BBX: variants seen among roughly 807,000 people sequenced by gnomAD.
BBX encodes the protein HMG box transcription factor BBX.
BBX carries 30 observed loss-of-function variants against 100.2 expected under a neutral mutation model. That is an observed-to-expected ratio of 0.30 (90% confidence interval 0.22 to 0.41). The LOEUF is 0.41. Ranked by LOEUF, BBX falls within the 10% of genes least tolerant of loss-of-function variation. The pLI is 1.00. For missense variants in BBX, 1,023 were observed against 1,129.8 expected (o/e 0.91, Z 1.35); for synonymous variants, 376 against 388.1 (o/e 0.97, Z 0.37).
At chr3:107,588,839 T>C (rs187072858) in intron 2 of BBX, among the ~76,000 whole-genome samples, 1 of 152,186 alleles carries the variant, frequency 6.6e-6, no homozygotes, top group African/African-American at 2.4e-5. Context: ...AGACTGGGAA[T>C]AAAAAATATC....
At chr3:107,666,466 G>T (rs1031966389) in intron 3 of BBX, among the ~76,000 whole-genome samples, 1 of 152,162 alleles carries the variant, frequency 6.6e-6, no homozygotes, top group Non-Finnish European at 1.5e-5. Flanking sequence ...ACAAGGAAAA[G>T]GGGGGAAACT....
At chr3:107,730,942 G>A (rs2063278799) in intron 6 of BBX, among the ~76,000 whole-genome samples, 1 of 152,126 alleles carries the variant, frequency 6.6e-6, no homozygotes, top group Non-Finnish European at 1.5e-5. Context: ...ATGCCAGATT[G>A]TTTACCTCAA....
At position 107,656,191 on chromosome 3, in the gene BBX, T is replaced by C. The variant is rs141657520; in HGVS notation, c.-10+10282T>C. Among the ~76,000 whole-genome samples the C allele has an allele frequency of 2.4e-3, 371 of 152,316 alleles. 2 individuals carry two copies. The highest frequency in any genetic ancestry group is 8.1e-3 in the African/African-American group (337 of 41,576). ...GTCCAAGAGAAAAAAATATTTTTTC[T>C]CTATCTTCAGAAATGTTCTGTGAAA... is the stretch of plus-strand genomic sequence containing the variant. On this transcript the variant is annotated intron_variant, in intron 3 of 17. Transcript: ENST00000325805.
chr3:107,525,395 C>G (rs999764008), intron 1 of BBX: 1 of 152,458 alleles, frequency 6.6e-6, no homozygotes, highest in Admixed American at 6.5e-5. Flanking sequence ...CTGCCCAGAC[C>G]GCCGCCAGTT....
chr3:107,801,978 A>G (rs534820862), intron 17 of BBX, among the ~76,000 whole-genome samples: 1 of 152,384 alleles, frequency 6.6e-6, no homozygotes, highest in African/African-American at 2.4e-5. Context: ...TGTAAGCATC[A>G]GACGAGATCA....
At chr3:107,596,982 T>A (rs183098011) in intron 2 of BBX, among the ~76,000 whole-genome samples, 1 of 152,332 alleles carries the variant, frequency 6.6e-6, no homozygotes, top group East Asian at 1.9e-4. Context: ...GCCTTTAAAC[T>A]TTTTTACTCC....
At chr3:107,629,635 A>G (rs1166233905) in intron 2 of BBX, among the ~76,000 whole-genome samples, 1 of 151,916 alleles carries the variant, frequency 6.6e-6, no homozygotes, top group African/African-American at 2.4e-5. Flanking sequence ...TGTTCCATCT[A>G]TTTAATAGTA....
intron 2 of BBX, among the ~76,000 whole-genome samples, chr3:107,530,103 A>G (rs992837913): frequency 6.6e-6 from 1 of 152,232 alleles, no homozygotes; most frequent in East Asian, 1.9e-4. Context: ...TAAAATGCAA[A>G]GTGACAGGCT....
chr3:107,612,226 T>G (rs1336684650), intron 2 of BBX, among the ~76,000 whole-genome samples: 1 of 152,204 alleles, frequency 6.6e-6, no homozygotes. Context: ...CTCTCCGTGC[T>G]TGGCCCCTGG....
intron 2 of BBX, among the ~76,000 whole-genome samples, chr3:107,638,778 T>TACAC (rs2057008063): frequency 9.2e-5 from 2 of 21,628 alleles, no homozygotes; most frequent in Non-Finnish European, 1.8e-4. Context: ...AAAAAAAAAG[T>TACAC]ATACACACAC....
At chr3:107,606,258 G>T (rs1184929445) in intron 2 of BBX, among the ~76,000 whole-genome samples, 1 of 152,224 alleles carries the variant, frequency 6.6e-6, no homozygotes, top group Non-Finnish European at 1.5e-5. Context: ...CCCACGGTCA[G>T]CAGTGGGAGA....
intron 2 of BBX, among the ~76,000 whole-genome samples, chr3:107,641,083 CTTTCTTTTT>C (rs968519544): frequency 9.0e-6 from 1 of 111,222 alleles, no homozygotes; most frequent in Admixed American, 1.0e-4. Context: ...AATTTCTTTT[CTTTCTTTTT>C]TTTTTTTTTT....
intron 2 of BBX, among the ~76,000 whole-genome samples, chr3:107,616,113 G>A: frequency 7.2e-6 from 1 of 138,924 alleles, no homozygotes; most frequent in East Asian, 2.3e-4. Context: ...GGATTCACAT[G>A]TCGTTATCAG....
Position 107,536,514 on chromosome 3 carries a change from C to T in BBX, c.-84+10116C>T, listed in dbSNP as rs191196372. Among the ~76,000 whole-genome samples the T allele has an allele frequency of 2.6e-5, 4 of 152,198 alleles. No homozygotes were observed. In the East Asian group the frequency reaches 5.8e-4, roughly 22 times the overall value. On this transcript the variant is annotated intron_variant, in intron 2 of 17. Coordinates refer to ENST00000325805, the MANE Select transcript of BBX (RefSeq NM_001142568.3). The stretch of plus-strand genomic sequence containing the variant: ...TAGCCGAACAATGGTTTTCCGAAGG[C>T]GCTCGTCTTTTGTTTGTTGTGTTTC...
chr3:107,709,844 G>A (rs1452637570), intron 3 of BBX, among the ~76,000 whole-genome samples: 3 of 152,162 alleles, frequency 2.0e-5, no homozygotes, highest in Non-Finnish European at 4.4e-5. Context: ...TTTTTGTCAC[G>A]TTTATAGCTT....
intron 2 of BBX, among the ~76,000 whole-genome samples, chr3:107,619,536 A>ATT (rs57205369): frequency 6.8e-6 from 1 of 147,854 alleles, no homozygotes; most frequent in African/African-American, 2.5e-5. Flanking sequence ...TTTGTTTACC[A>ATT]TTTTTTTTTT....
rs1227650692 is a variant in BBX, at chr3:107,807,349, G to A, written c.*1892G>A. On this transcript the variant is annotated 3_prime_UTR_variant, in exon 18 of 18. Coordinates refer to ENST00000325805, the MANE Select transcript of BBX (RefSeq NM_001142568.3). Reference sequence around the variant, plus strand: ...CCCCATTCATGTAGGAATAAATCAAGTGAGCAGTTCCAGACTTTTGCATAA... The same window carrying A: ...CCCCATTCATGTAGGAATAAATCAAATGAGCAGTTCCAGACTTTTGCATAA... 6.6e-6 allele frequency: 1 copy of A among 152,134 alleles called. No individual in the cohort carries two copies. The highest frequency in any genetic ancestry group is 2.4e-5 in the African/African-American group (1 of 41,432). 9.4% of individuals were successfully genotyped at this position (152,134 alleles called of 1,614,324 possible).
chr3:107,725,099 A>T (rs2062821117), intron 5 of BBX, among the ~76,000 whole-genome samples: 1 of 152,158 alleles, frequency 6.6e-6, no homozygotes, highest in South Asian at 2.1e-4. Context: ...AGTGATTTGT[A>T]GTTCTCCTTG....
intron 2 of BBX, among the ~76,000 whole-genome samples, chr3:107,561,964 C>G (rs2050531062): frequency 6.6e-6 from 1 of 152,078 alleles, no homozygotes; most frequent in Non-Finnish European, 1.5e-5. Context: ...AACTGATGTT[C>G]TTTATTGCAT....
Sources: gnomAD v4.1 joint callset for allele counts (sites outside exome capture counted in the v4.1 genomes callset) on GRCh38, gnomAD v4.1.1 for gene constraint, MANE v1.5 for transcripts, NCBI Gene and HGNC (gene_info 2026-07-23, HGNC 2026-07-21) for gene names.